The following ANKS1B variants were observed in gnomAD, a reference collection of about 807,000 sequenced individuals.
The protein encoded by ANKS1B is ankyrin repeat and sterile alpha motif domain containing 1B.
In ANKS1B, 36 loss-of-function variants were observed where a neutral mutation model predicts 148.3. The observed-to-expected ratio is 0.24, with a 90% CI of 0.19 to 0.32. ANKS1B has a LOEUF of 0.32. ANKS1B is among the 10% of genes least tolerant of loss of function. The pLI is 1.00. For synonymous variants in ANKS1B, 542 were observed against 560.8 expected, an observed-to-expected ratio of 0.97 and a Z score of 0.47; for missense variants, 1,157 against 1,542.6, an observed-to-expected ratio of 0.75 and a Z score of 4.19.
intron 17 of ANKS1B, among the ~76,000 whole-genome samples, chr12:98,949,482 A>C (rs545545144): frequency 1.5e-4 from 23 of 152,102 alleles, no homozygotes; most frequent in African/African-American, 5.3e-4. Flanking sequence ...TAAAATCTTG[A>C]CTCTTTGAGC....
At chr12:99,962,938 G>A (rs11110158) in intron 1 of ANKS1B, among the ~76,000 whole-genome samples, 6,083 of 150,766 alleles carry the variant, frequency 0.04, 171 homozygotes, top group Non-Finnish European at 0.059. Context: ...CTCAGCCTCC[G>A]GAGTAGCTGG....
chr12:99,779,748 A>G, intron 6 of ANKS1B, 123 bp downstream of exon 6: 1 of 705,362 alleles, frequency 1.4e-6, no homozygotes, highest in Non-Finnish European at 2.4e-6. Flanking sequence ...TCTACCAGAA[A>G]AAAATAAAAC....
chr12:98,799,072 A>G, intron 21 of ANKS1B, 67 bp from the exon 22 acceptor site: 2 of 1,179,558 alleles, frequency 1.7e-6, no homozygotes, highest in Non-Finnish European at 2.3e-6. Flanking sequence ...TTTTAAAAAC[A>G]AATTGTGGAA....
chr12:99,237,304 A>G (rs559992051), intron 14 of ANKS1B, among the ~76,000 whole-genome samples: 30 of 152,234 alleles, frequency 2.0e-4, no homozygotes, highest in Non-Finnish European at 3.7e-4. Flanking sequence ...GTATAGGCCC[A>G]GCTATATACA....
At chr12:99,688,879 T>C (rs949511336) in intron 8 of ANKS1B, among the ~76,000 whole-genome samples, 1 of 145,282 alleles carries the variant, frequency 6.9e-6, no homozygotes, top group African/African-American at 2.5e-5. Context: ...AGTGCTAAAT[T>C]TAAAAAAAAA....
chr12:99,334,387 A>C (rs912308810), intron 12 of ANKS1B, among the ~76,000 whole-genome samples: 11 of 152,026 alleles, frequency 7.2e-5, no homozygotes, highest in Admixed American at 3.9e-4. Context: ...TGAGCTTTGC[A>C]TTTTTGTTAA....
chr12:99,461,888 T>C (rs190111070), intron 10 of ANKS1B, among the ~76,000 whole-genome samples: 1 of 152,360 alleles, frequency 6.6e-6, no homozygotes, highest in Admixed American at 6.5e-5. Context: ...ACTCATTCTG[T>C]GGATACAATG....
intron 12 of ANKS1B, among the ~76,000 whole-genome samples, chr12:99,370,002 G>T (rs961233297): frequency 4.6e-5 from 7 of 152,182 alleles, no homozygotes; most frequent in Middle Eastern, 3.4e-3. Flanking sequence ...TAAAAAATGT[G>T]GTGAAGAACA....
rs149286990 is a variant in ANKS1B, at chr12:99,491,188, C to G, written c.1438+13288G>C. Among the ~76,000 whole-genome samples the G allele has an allele frequency of 2.6e-3, 392 of 152,094 alleles. 2 individuals carry two copies. The highest frequency in any genetic ancestry group is 9.1e-3 in the African/African-American group (379 of 41,518). On this transcript the variant is annotated intron_variant, in intron 10 of 26. Transcript: ENST00000683438. ...GGCGCAGTGGTGGGTGCCTGTAGTC[C>G]CAGCTACTGGGGAGGCTGAAGCAGG...
chr12:99,119,970 A>G (rs1044274090), intron 15 of ANKS1B, among the ~76,000 whole-genome samples: 1 of 152,196 alleles, frequency 6.6e-6, no homozygotes, highest in Non-Finnish European at 1.5e-5. Context: ...ATCAAAATAA[A>G]TGGGAGCTAT....
intron 14 of ANKS1B, among the ~76,000 whole-genome samples, chr12:99,233,822 G>A (rs1268197717): frequency 6.6e-6 from 1 of 152,114 alleles, no homozygotes; most frequent in Non-Finnish European, 1.5e-5. Context: ...GACCCATAGA[G>A]ACTGCTCAAA....
intron 14 of ANKS1B, among the ~76,000 whole-genome samples, chr12:99,205,101 G>A (rs1009087690): frequency 5.3e-5 from 8 of 152,288 alleles, no homozygotes; most frequent in African/African-American, 1.9e-4. Flanking sequence ...AGTCACTCAT[G>A]CTAAAGTTCC....
intron 9 of ANKS1B, among the ~76,000 whole-genome samples, chr12:99,637,970 G>C (rs73387907): frequency 2.1e-3 from 312 of 151,872 alleles, no homozygotes; most frequent in African/African-American, 7.2e-3. Context: ...ATTAAATCAC[G>C]GGGATGGTTA....
chr12:99,601,179 G>A (rs10860472), intron 9 of ANKS1B, among the ~76,000 whole-genome samples: 45,802 of 151,814 alleles, frequency 0.3, 7,056 homozygotes, highest in South Asian at 0.36. Context: ...CTGGGATACC[G>A]GTGTCCAGTA....
intron 15 of ANKS1B, among the ~76,000 whole-genome samples, chr12:99,129,333 G>T (rs1437267073): frequency 6.6e-6 from 1 of 152,088 alleles, no homozygotes; most frequent in South Asian, 2.1e-4. Context: ...GCAAACCATT[G>T]GCTAAAACCT....
intron 17 of ANKS1B, among the ~76,000 whole-genome samples, chr12:99,034,803 A>C (rs1323596005): frequency 6.6e-6 from 1 of 152,190 alleles, no homozygotes; most frequent in Non-Finnish European, 1.5e-5. Flanking sequence ...AACATCTTCT[A>C]TGTGTTTCAG....
At position 99,613,880 on chromosome 12, in the gene ANKS1B, C is replaced by T. The variant is rs536681464; in HGVS notation, c.1272+41187G>A. 2.8e-4 allele frequency among the ~76,000 whole-genome samples: 42 copies of T among 151,326 alleles called. 1 individual carries two copies. The highest frequency in any genetic ancestry group is 9.9e-4 in the Admixed American group (15 of 15,216). On this transcript the variant is annotated intron_variant, in intron 9 of 26. Coordinates refer to ENST00000683438, the MANE Select transcript of ANKS1B (RefSeq NM_001352186.2). Reference sequence around the variant, plus strand: ...CTTAAAAATAAAGTCAAAATATATGCATGGAAAAAAAAAAGTCCTGCCAAT... The same window carrying T: ...CTTAAAAATAAAGTCAAAATATATGTATGGAAAAAAAAAAGTCCTGCCAAT...
intron 25 of ANKS1B, among the ~76,000 whole-genome samples, chr12:98,758,895 C>G (rs1000798187): frequency 6.6e-6 from 1 of 150,982 alleles, no homozygotes; most frequent in Non-Finnish European, 1.5e-5. Flanking sequence ...ATTCTCCTGC[C>G]TCAGCCTCCT....
chr12:99,462,999 G>T (rs1164283792), intron 10 of ANKS1B, among the ~76,000 whole-genome samples: 2 of 152,156 alleles, frequency 1.3e-5, no homozygotes, highest in African/African-American at 4.8e-5. Context: ...AGAACTGCAA[G>T]CCAAACAAAC....
Sources: allele counts gnomAD v4.1 joint callset (sites outside exome capture counted in the v4.1 genomes callset), GRCh38; gene constraint gnomAD v4.1.1; transcripts MANE v1.5; gene names NCBI Gene and HGNC (gene_info 2026-07-23, HGNC 2026-07-21).